The following KCNN2 variants were observed in gnomAD, a reference collection of about 807,000 sequenced individuals.
KCNN2 encodes the protein potassium calcium-activated channel subfamily N member 2.
A neutral mutation model predicts 55.5 loss-of-function variants in KCNN2; 24 were observed. The ratio of observed to expected loss-of-function variants is 0.43; its 90% CI spans 0.31 to 0.61. The LOEUF is 0.61. KCNN2 is among the 20% of genes least tolerant of loss of function. KCNN2 has a pLI of 0.08. For missense variants in KCNN2, 754 were observed against 853.6 expected, an observed-to-expected ratio of 0.88 and a Z score of 1.45; for synonymous variants, 431 against 336.1, an observed-to-expected ratio of 1.28 and a Z score of -3.09.
intron 6 of KCNN2, among the ~76,000 whole-genome samples, chr5:114,490,042 C>G (rs1036454725): frequency 6.6e-6 from 1 of 152,134 alleles, no homozygotes; most frequent in Non-Finnish European, 1.5e-5. Flanking sequence ...AGGCCTGTGC[C>G]CTCTTTTCAG....
intron 3 of KCNN2, among the ~76,000 whole-genome samples, chr5:114,434,875 C>A (rs929090863): frequency 1.3e-5 from 2 of 152,100 alleles, no homozygotes; most frequent in Non-Finnish European, 2.9e-5. Context: ...TTCCCTTTTC[C>A]CAAGTGTTTT....
intron 3 of KCNN2, among the ~76,000 whole-genome samples, chr5:114,407,525 C>G (rs1193531662): frequency 6.6e-6 from 1 of 151,946 alleles, no homozygotes; most frequent in Non-Finnish European, 1.5e-5. Context: ...TTTGTTTCCC[C>G]AAAGATGCAT....
Position 114,385,172 on chromosome 5 carries a change from T to C in KCNN2, c.1219-19266T>C, listed in dbSNP as rs530553403. On this transcript the variant is annotated intron_variant, in intron 2 of 7. Coordinates refer to ENST00000673685, the MANE Select transcript of KCNN2 (RefSeq NM_021614.4). Reference sequence around the variant, plus strand: ...CACCAATTTCTCTCTTTGCTGCCTGTATTTACTTCCTTCCTTCATTTCCTT... The same window carrying C: ...CACCAATTTCTCTCTTTGCTGCCTGCATTTACTTCCTTCCTTCATTTCCTT... 3.3e-5 allele frequency among the ~76,000 whole-genome samples: 5 copies of C among 152,174 alleles called. No individual in the cohort carries two copies. In the South Asian group the frequency reaches 1.0e-3, roughly 32 times the overall value.
Position 114,261,901 on chromosome 5 carries a change from A to G in KCNN2, c.-185+40336A>G, listed in dbSNP as rs371809603. Reference sequence around the variant, plus strand: ...AGGGAGAGCTGGGCACATGGTGATGATTGCCTTGGTTGGTCAATAATAAAC... The same window carrying G: ...AGGGAGAGCTGGGCACATGGTGATGGTTGCCTTGGTTGGTCAATAATAAAC... On this transcript the variant is annotated intron_variant, in intron 2 of 10. Transcript: ENST00000512097. Among the ~76,000 whole-genome samples the G allele has an allele frequency of 2.2e-4, 33 of 152,258 alleles. 1 individual carries two copies. In the East Asian group the frequency reaches 2.7e-3, roughly 13 times the overall value.
intron 1 of KCNN2, among the ~76,000 whole-genome samples, chr5:114,137,053 A>G (rs950546946): frequency 1.3e-5 from 2 of 152,136 alleles, no homozygotes; most frequent in Non-Finnish European, 2.9e-5. Context: ...AACTGCTTTC[A>G]TCTTTATCTA....
rs145604398 is a variant in KCNN2 at position 114,162,096 on chromosome 5, G to A, written c.-270-59384G>A. ...GGGTGCTCTGATTTTTAGAGTTTCC[G>A]GTTTTTCTGCTCTGTTGTTTCCCCA... On this transcript the variant is annotated intron_variant, in intron 1 of 10. Transcript: ENST00000512097. Among the ~76,000 whole-genome samples, 455 of 152,176 alleles carry A rather than the reference G, an allele frequency of 3.0e-3. 1 individual carries two copies. The highest frequency in any genetic ancestry group is 0.01 in the African/African-American group (416 of 41,518).
chr5:114,072,248 C>T (rs547859977), intron 1 of KCNN2, among the ~76,000 whole-genome samples: 7 of 151,878 alleles, frequency 4.6e-5, no homozygotes, highest in African/African-American at 7.2e-5. Context: ...GCCAAGATCA[C>T]GCCATTGCAC....
At chr5:114,088,912 C>T (rs886235858) in intron 1 of KCNN2, among the ~76,000 whole-genome samples, 5 of 152,304 alleles carry the variant, frequency 3.3e-5, no homozygotes, top group Admixed American at 2.0e-4. Context: ...TGAGCCACTG[C>T]GCCCAGCCAC....
intron 1 of KCNN2, among the ~76,000 whole-genome samples, chr5:114,217,869 TC>T (rs1436308714): frequency 3.9e-5 from 6 of 152,106 alleles, no homozygotes; most frequent in Non-Finnish European, 8.8e-5. Flanking sequence ...AGGCCTGTTA[TC>T]CAAAACATAC....
chr5:114,375,999 T>A (rs943407436), intron 2 of KCNN2, among the ~76,000 whole-genome samples: 3 of 149,120 alleles, frequency 2.0e-5, no homozygotes, highest in Non-Finnish European at 4.4e-5. Context: ...CTTTAGCATA[T>A]CTATTTCACA....
intron 1 of KCNN2, among the ~76,000 whole-genome samples, chr5:114,106,708 AC>A (rs1399793577): frequency 2.8e-5 from 4 of 142,126 alleles, no homozygotes; most frequent in African/African-American, 1.1e-4. Context: ...CCTGCTGCAT[AC>A]TTTTACTCAT....
intron 1 of KCNN2, among the ~76,000 whole-genome samples, chr5:114,195,698 C>T (rs1753541782): frequency 6.6e-6 from 1 of 151,874 alleles, no homozygotes; most frequent in Non-Finnish European, 1.5e-5. Flanking sequence ...ATTACTATGT[C>T]TTGCACCTCC....
At chr5:114,081,589 C>T (rs2632132) in intron 1 of KCNN2, among the ~76,000 whole-genome samples, 6,413 of 152,206 alleles carry the variant, frequency 0.042, 450 homozygotes, top group African/African-American at 0.15. Flanking sequence ...AAAAGAATGA[C>T]GGTGGACCTG....
At chr5:114,340,167 C>G (rs1756991018) in intron 2 of KCNN2, among the ~76,000 whole-genome samples, 1 of 152,078 alleles carries the variant, frequency 6.6e-6, no homozygotes, top group African/African-American at 2.4e-5. Context: ...TTAATTGAGT[C>G]TATCAATTTT....
chr5:114,328,304 C>T (rs1275617393), intron 2 of KCNN2, among the ~76,000 whole-genome samples: 1 of 151,968 alleles, frequency 6.6e-6, no homozygotes, highest in Non-Finnish European at 1.5e-5. Context: ...GGATCTGAGG[C>T]AGATCTACAG....
In KCNN2 at chr5:114,453,451, T is replaced by G. The variant is rs568410014; in HGVS notation, c.1638-9598T>G. On this transcript the variant is annotated intron_variant, in intron 3 of 7. Transcript: ENST00000673685. ...TTTAAGATCTTTTCTTTATTCCTGGTATTTAAAAATTTACAGTCATCTGCC... is the reference window on the plus strand; with the variant it reads ...TTTAAGATCTTTTCTTTATTCCTGGGATTTAAAAATTTACAGTCATCTGCC... Among the ~76,000 whole-genome samples the G allele has an allele frequency of 3.9e-5, 6 of 152,360 alleles. No homozygotes were observed. The South Asian group carries it at 1.2e-3, about 32-fold the overall frequency.
At chr5:114,131,520 A>C (rs895173203) in intron 1 of KCNN2, among the ~76,000 whole-genome samples, 1 of 152,086 alleles carries the variant, frequency 6.6e-6, no homozygotes, top group Non-Finnish European at 1.5e-5. Context: ...TTATTTATCC[A>C]GTGTCTGTCA....
chr5:114,200,651 AT>A (rs1031502768), intron 1 of KCNN2, among the ~76,000 whole-genome samples: 23 of 133,394 alleles, frequency 1.7e-4, no homozygotes, highest in Admixed American at 5.9e-4. Flanking sequence ...CACTCGTTCC[AT>A]TTTTTTTTTC....
intron 1 of KCNN2, among the ~76,000 whole-genome samples, chr5:114,094,318 C>T (rs189609261): frequency 6.7e-4 from 102 of 152,268 alleles, no homozygotes; most frequent in Admixed American, 9.2e-4. Context: ...ACTTACCCCA[C>T]CAGACCTGAG....
Sources: allele counts gnomAD v4.1 joint callset (sites outside exome capture counted in the v4.1 genomes callset), GRCh38; gene constraint gnomAD v4.1.1; transcripts MANE v1.5; gene names NCBI Gene and HGNC (gene_info 2026-07-23, HGNC 2026-07-21).